DLGAP1: variants seen among roughly 807,000 people sequenced by gnomAD.
The protein encoded by DLGAP1 is disks large-associated protein 1.
DLGAP1 carries 11 observed loss-of-function variants against 90.8 expected under a neutral mutation model. That is an observed-to-expected ratio of 0.12 (90% CI 0.08 to 0.20). The LOEUF (loss-of-function observed/expected upper bound fraction) is 0.20. Among genes scored for constraint, DLGAP1 ranks in the 10% least tolerant of loss-of-function variants. The pLI is 1.00. For missense variants in DLGAP1, 1,050 were observed against 1,333.8 expected (o/e 0.79, Z 3.31); for synonymous variants, 558 against 540.7 (o/e 1.03, Z -0.44).
intron 7 of DLGAP1, chr18:3,606,588 G>A (rs1321361033): frequency 6.6e-6 from 1 of 152,104 alleles, no homozygotes; most frequent in Admixed American, 6.6e-5. Context: ...ATTTGAAGTG[G>A]ATTCTTACAA....
At position 3,522,015 on chromosome 18, in the gene DLGAP1, T is replaced by C. The variant is rs372363859; in HGVS notation, c.2479+12179A>G. Among the ~76,000 whole-genome samples, 4 of 152,138 alleles carry C rather than the reference T, an allele frequency of 2.6e-5. No homozygotes were observed. The East Asian group carries it at 5.8e-4, about 22-fold the overall frequency. ...TTTGTCATGCAATAGTTGTAGTGAC[T>C]AGCCTGGAAAAGTCACACCATCTAG... is the stretch of plus-strand genomic sequence containing the variant. On this transcript the variant is annotated intron_variant, in intron 10 of 12. Coordinates refer to ENST00000315677, the MANE Select transcript of DLGAP1 (RefSeq NM_004746.4).
intron 3 of DLGAP1, among the ~76,000 whole-genome samples, chr18:3,893,748 T>G (rs2071543338): frequency 6.6e-6 from 1 of 152,096 alleles, no homozygotes; most frequent in Non-Finnish European, 1.5e-5. Flanking sequence ...GTGGGATTGC[T>G]GGATCAAATG....
rs181491609 is a variant in DLGAP1 at position 4,197,092 on chromosome 18, G to C, written c.-266-45805C>G. ...GGAGGCTGAGGCAGGAGAATTGCTT[G>C]AACCTGGGAGGCAGAGGTTGCAGTG... is the stretch of plus-strand genomic sequence containing the variant. On this transcript the variant is annotated intron_variant, in intron 1 of 12. Transcript: ENST00000315677. Among the ~76,000 whole-genome samples, 1,487 of 149,224 alleles carry C rather than the reference G, an allele frequency of 1.0e-2. 22 individuals carry two copies. Among genetic ancestry groups the C allele is most frequent in the Non-Finnish European group, 0.011 (745 of 67,570 alleles).
chr18:3,788,877 C>A (rs1454392862), intron 5 of DLGAP1, among the ~76,000 whole-genome samples: 1 of 152,148 alleles, frequency 6.6e-6, no homozygotes, highest in Non-Finnish European at 1.5e-5. Context: ...GTGCTATGAA[C>A]AAAACAGTGA....
At position 3,573,800 on chromosome 18, in the gene DLGAP1, C is replaced by T. The variant is rs149365387; in HGVS notation, c.1966-6219G>A. 1.6e-3 allele frequency among the ~76,000 whole-genome samples: 246 copies of T among 152,290 alleles called. 1 individual carries two copies. The highest frequency in any genetic ancestry group is 5.8e-3 in the African/African-American group (241 of 41,562). On this transcript the variant is annotated intron_variant, in intron 8 of 12. Transcript: ENST00000315677. The stretch of plus-strand genomic sequence containing the variant: ...TACTGCCACTGTGACCTCCTGGTCT[C>T]AAGTGATCCTCCCACCTCAGCCTCC...
chr18:3,592,960 A>G (rs1215314446), intron 7 of DLGAP1, among the ~76,000 whole-genome samples: 2 of 152,082 alleles, frequency 1.3e-5, no homozygotes, highest in African/African-American at 4.8e-5. Flanking sequence ...GATCTCACAT[A>G]TGTGAAAGAT....
chr18:4,209,990 T>C (rs1349182678), intron 1 of DLGAP1, among the ~76,000 whole-genome samples: 1 of 152,212 alleles, frequency 6.6e-6, no homozygotes, highest in East Asian at 1.9e-4. Flanking sequence ...TGGTTTTTCA[T>C]GGGACTTGAA....
intron 7 of DLGAP1, among the ~76,000 whole-genome samples, chr18:3,664,203 CACA>C (rs2059790127): frequency 7.2e-6 from 1 of 139,438 alleles, no homozygotes; most frequent in Non-Finnish European, 1.5e-5. Flanking sequence ...CACACACACA[CACA>C]CACACACACA....
chr18:3,504,427 C>A (rs947265066), intron 11 of DLGAP1, among the ~76,000 whole-genome samples: 3 of 152,108 alleles, frequency 2.0e-5, no homozygotes, highest in African/African-American at 4.8e-5. Context: ...TCTTGTCGCC[C>A]ACGCTGGAGT....
intron 1 of DLGAP1, among the ~76,000 whole-genome samples, chr18:4,320,178 T>C (rs1040225797): frequency 1.3e-5 from 2 of 152,138 alleles, no homozygotes; most frequent in Non-Finnish European, 2.9e-5. Context: ...GAGATACTGT[T>C]TAACTGCTCA....
intron 1 of DLGAP1, among the ~76,000 whole-genome samples, chr18:4,374,763 C>T (rs960658978): frequency 1.3e-5 from 2 of 151,892 alleles, no homozygotes; most frequent in Admixed American, 6.6e-5. Context: ...AATACAGTCA[C>T]GTGGTGTGAC....
At chr18:4,312,345 T>A (rs2143472275) in intron 1 of DLGAP1, among the ~76,000 whole-genome samples, 1 of 152,256 alleles carries the variant, frequency 6.6e-6, no homozygotes, top group South Asian at 2.1e-4. Flanking sequence ...TACCACTACA[T>A]CCTACACCAA....
intron 3 of DLGAP1, among the ~76,000 whole-genome samples, chr18:3,900,845 G>A (rs1364736296): frequency 1.3e-5 from 2 of 152,124 alleles, no homozygotes; most frequent in Non-Finnish European, 2.9e-5. Context: ...AAAAGGACAA[G>A]GAGAAAGATA....
intron 2 of DLGAP1, among the ~76,000 whole-genome samples, chr18:4,124,039 T>G (rs2076195340): frequency 6.6e-6 from 1 of 152,170 alleles, no homozygotes; most frequent in Non-Finnish European, 1.5e-5. Flanking sequence ...GCAAGAGAAT[T>G]CTGAACAGAT....
At chr18:3,954,570 T>C (rs2073048872) in intron 3 of DLGAP1, among the ~76,000 whole-genome samples, 1 of 152,210 alleles carries the variant, frequency 6.6e-6, no homozygotes, top group South Asian at 2.1e-4. Flanking sequence ...ATGTGACTTA[T>C]CTCTCCAGTG....
At chr18:4,440,104 A>G (rs2144818877) in intron 1 of DLGAP1, among the ~76,000 whole-genome samples, 1 of 121,624 alleles carries the variant, frequency 8.2e-6, no homozygotes, top group African/African-American at 3.2e-5. Flanking sequence ...TGGGTGACAG[A>G]GTGAGACTCC....
At chr18:4,406,068 T>C (rs1192277652) in intron 1 of DLGAP1, among the ~76,000 whole-genome samples, 1 of 152,142 alleles carries the variant, frequency 6.6e-6, no homozygotes, top group African/African-American at 2.4e-5. Flanking sequence ...AGTGAAGGCG[T>C]GGCCTGCAAC....
intron 1 of DLGAP1, among the ~76,000 whole-genome samples, chr18:4,330,694 AT>A: frequency 6.6e-6 from 1 of 151,662 alleles, no homozygotes; most frequent in South Asian, 2.1e-4. Flanking sequence ...TTTGTTATTG[AT>A]TTATAGTTTA....
Position 3,534,203 on chromosome 18 carries a change from G to A in DLGAP1, c.2470C>T (p.Pro824Ser). ...MEREERENNL[P>S]EDILGKIRTA... ...TGGTGGCATTACTTACTGTCTTCGG[G>A]CAGGTTGTTTTCCCGTTCTTCCCGC... is the stretch of plus-strand genomic sequence containing the variant. Residue 824 changes from proline to serine, a missense_variant, in exon 10 of 13, where the codon CCC becomes TCC. Around this residue, in one of 2 missense-constraint regions of DLGAP1, gnomAD observed 565 missense variants for 879.7 expected, o/e 0.64. Coordinates refer to ENST00000315677, the MANE Select transcript of DLGAP1 (RefSeq NM_004746.4). The A allele has an allele frequency of 1.9e-6, 3 of 1,613,314 alleles. No individual in the cohort carries two copies. Among genetic ancestry groups the A allele is most frequent in the Non-Finnish European group, 2.5e-6 (3 of 1,179,506 alleles).
Sources: allele counts gnomAD v4.1 joint callset (sites outside exome capture counted in the v4.1 genomes callset), GRCh38; gene constraint gnomAD v4.1.1; regional missense constraint gnomAD v4.1.1; transcripts MANE v1.5; gene names NCBI Gene and HGNC (gene_info 2026-07-23, HGNC 2026-07-21).